The following AVL9 variants were observed in gnomAD, a reference collection of about 807,000 sequenced individuals.
The protein encoded by AVL9 is late secretory pathway protein AVL9 homolog.
Under a neutral mutation model 79.2 loss-of-function variants are expected in AVL9, and 49 were observed. The ratio of observed to expected loss-of-function variants is 0.62; its 90% CI spans 0.49 to 0.79. The LOEUF (loss-of-function observed/expected upper bound fraction) is 0.79. Among genes scored for constraint, AVL9 ranks in the 30% least tolerant of loss-of-function variants. The pLI is 0.00. For synonymous variants in AVL9, 299 were observed against 280.6 expected, an observed-to-expected ratio of 1.07 and a Z score of -0.65; for missense variants, 682 against 776.8, an observed-to-expected ratio of 0.88 and a Z score of 1.45.
At chr7:32,571,012 C>G (rs1427493845) in intron 11 of AVL9, among the ~76,000 whole-genome samples, 3 of 144,494 alleles carry the variant, frequency 2.1e-5, no homozygotes, top group African/African-American at 7.7e-5. Flanking sequence ...GGTAGATCAC[C>G]TGAGGTCAGG....
intron 1 of AVL9, among the ~76,000 whole-genome samples, chr7:32,501,380 AC>A (rs759699129): frequency 2.0e-5 from 3 of 152,200 alleles, no homozygotes; most frequent in Middle Eastern, 3.2e-3. Context: ...GGGAAGAATA[AC>A]CTTTTAAGAT....
At position 32,587,303 on chromosome 7, in the gene AVL9, G is replaced by A. The variant is rs151163947; in HGVS notation, c.*3396G>A. On this transcript the variant is annotated 3_prime_UTR_variant, in exon 16 of 16. Transcript: ENST00000318709. The stretch of plus-strand genomic sequence containing the variant: ...AGGGTTATAAGAATTCTTTTAGAAA[G>A]GGATTAGAATTTTACTCTGCTAGTT... 1.3e-5 allele frequency: 2 copies of A among 152,324 alleles called. No homozygotes were observed. The highest frequency in any genetic ancestry group is 4.8e-5 in the African/African-American group (2 of 41,588). 9.4% of individuals were successfully genotyped at this position (152,324 alleles called of 1,614,324 possible).
intron 13 of AVL9, among the ~76,000 whole-genome samples, chr7:32,579,109 C>A (rs955111265): frequency 6.6e-6 from 1 of 150,402 alleles, no homozygotes; most frequent in Non-Finnish European, 1.5e-5. Context: ...ATTTGAAGAA[C>A]CATTAATTTT....
At position 32,588,050 on chromosome 7, in the gene AVL9, A is replaced by G. The variant is rs948524545; in HGVS notation, c.*4143A>G. On this transcript the variant is annotated 3_prime_UTR_variant, in exon 16 of 16. Transcript: ENST00000318709. ...CATTTGTATTTCTGTGCTGTTCTAAAGTTTACCTTTTTACTTATATGAAAG... is the reference window on the plus strand; with the variant it reads ...CATTTGTATTTCTGTGCTGTTCTAAGGTTTACCTTTTTACTTATATGAAAG... 6.6e-6 allele frequency: 1 copy of G among 152,176 alleles called. No homozygotes were observed. The highest frequency in any genetic ancestry group is 6.5e-5 in the Admixed American group (1 of 15,268). 9.4% of individuals were successfully genotyped at this position (152,176 alleles called of 1,614,324 possible). A position where few individuals can be genotyped will look rare whatever the true frequency, so the allele number is the denominator to read the frequency against.
chr7:32,542,914 A>C (rs536614457), intron 1 of AVL9, among the ~76,000 whole-genome samples: 67 of 152,176 alleles, frequency 4.4e-4, no homozygotes, highest in Non-Finnish European at 3.1e-4. Context: ...TTAAAGTTTA[A>C]CCGACCTTAA....
At chr7:32,563,981 C>T (rs767059142) in intron 10 of AVL9, among the ~76,000 whole-genome samples, 2 of 152,124 alleles carry the variant, frequency 1.3e-5, no homozygotes, top group African/African-American at 2.4e-5. Context: ...CCACAAATTG[C>T]GGGCTTTCTG....
At chr7:32,521,005 C>T (rs563691891) in intron 1 of AVL9, among the ~76,000 whole-genome samples, 6 of 152,180 alleles carry the variant, frequency 3.9e-5, no homozygotes, top group African/African-American at 1.4e-4. Flanking sequence ...TTTGCTCCTT[C>T]CTTATTTTCT....
At chr7:32,515,269 A>G (rs1787858584) in intron 1 of AVL9, among the ~76,000 whole-genome samples, 1 of 152,192 alleles carries the variant, frequency 6.6e-6, no homozygotes, top group African/African-American at 2.4e-5. Context: ...TGGTTTACAA[A>G]TTGGCAACCG....
rs745564177 is a variant in AVL9 at position 32,495,881 on chromosome 7, GC to G, written c.93+80del. 1,493 of 955,054 alleles carry G rather than the reference GC, an allele frequency of 1.6e-3. 1 individual carries two copies. The highest frequency in any genetic ancestry group is 1.9e-3 in the Non-Finnish European group (1,395 of 720,586). The allele number at this position is 955,054 out of a possible 1,614,324, so 59.2% of individuals were successfully genotyped here. On this transcript the variant is annotated intron_variant, in intron 1 of 15. Coordinates refer to ENST00000318709, the MANE Select transcript of AVL9 (RefSeq NM_015060.3). ...GGGCCCCCCTGCCCTGCTTCTGTGT[GC>G]TCAGCTCGCGTCGTGCAGTCCTCCC...
chr7:32,511,624 G>A (rs913880405), intron 1 of AVL9, among the ~76,000 whole-genome samples: 4 of 152,014 alleles, frequency 2.6e-5, no homozygotes, highest in African/African-American at 7.2e-5. Context: ...GCATACGGAC[G>A]CTCTGGAATT....
At chr7:32,537,970 T>C (rs1788992269) in intron 1 of AVL9, 1 of 152,160 alleles carries the variant, frequency 6.6e-6, no homozygotes, top group Admixed American at 6.6e-5. Flanking sequence ...AAAGAAACAA[T>C]GTTGTAAATA....
chr7:32,520,621 A>G (rs115951018), intron 1 of AVL9, among the ~76,000 whole-genome samples: 2,397 of 152,292 alleles, frequency 0.016, 72 homozygotes, highest in African/African-American at 0.055. Flanking sequence ...TATGCAAGCC[A>G]TGTAGGACTA....
At chr7:32,547,551 C>T (rs1045913112) in intron 3 of AVL9, among the ~76,000 whole-genome samples, 1 of 152,144 alleles carries the variant, frequency 6.6e-6, no homozygotes, top group Non-Finnish European at 1.5e-5. Context: ...TTTAACAGCC[C>T]TCGTGCTCTG....
At position 32,573,326 on chromosome 7, in the gene AVL9, T is replaced by C; in HGVS notation, c.1478T>C (p.Leu493Pro). Reference sequence around the variant, plus strand: ...ACTGAGAATCGGGATGACGTCTTCCTAGATGGCACGGGCTGGGAGGGAGGT... The same window carrying C: ...ACTGAGAATCGGGATGACGTCTTCCCAGATGGCACGGGCTGGGAGGGAGGT... ...HVTENRDDVF[L>P]DGTGWEGGDE... The change falls in exon 12 of 16, where the codon CTA (leucine) becomes CCA (proline). Residue 493 changes from leucine to proline, a missense_variant. By Grantham distance (98) the Leu-to-Pro change is moderately conservative. Coordinates refer to ENST00000318709, the MANE Select transcript of AVL9 (RefSeq NM_015060.3). The C allele has an allele frequency of 6.2e-7, 1 of 1,613,832 alleles. No individual in the cohort carries two copies. Among genetic ancestry groups the C allele is most frequent in the Non-Finnish European group, 8.5e-7 (1 of 1,179,976 alleles).
intron 10 of AVL9, among the ~76,000 whole-genome samples, chr7:32,567,670 A>T (rs995238947): frequency 2.0e-5 from 3 of 151,788 alleles, no homozygotes; most frequent in Admixed American, 1.3e-4. Context: ...GAATGTGCCC[A>T]TTTTTGCCCT....
At chr7:32,548,151 C>CTTTTGTTTTCTTTTTGTTTTTTTTTTTT (rs71559236) in intron 3 of AVL9, among the ~76,000 whole-genome samples, 1 of 131,596 alleles carries the variant, frequency 7.6e-6, no homozygotes. Context: ...TCTCTTTTTT[C>CTTTTGTTTTCTTTTTGTTTTTTTTTTTT]TTTTTTTTTT....
Position 32,573,538 on chromosome 7 carries a change from T to C in AVL9, c.1570+120T>C, listed in dbSNP as rs928333964. 5.7e-6 allele frequency: 5 copies of C among 884,758 alleles called. No homozygotes were observed. The African/African-American group carries it at 8.4e-5, about 15-fold the overall frequency. 54.8% of individuals were successfully genotyped at this position (884,758 alleles called of 1,614,324 possible). A position where few individuals can be genotyped will look rare whatever the true frequency, so the allele number is the denominator to read the frequency against. ...TTCCTTATAGAAAAATTACCAGTTA[T>C]TCCCTCATACAAAGATAGCCACTTT... On this transcript the variant is annotated intron_variant, in intron 12 of 15. Coordinates refer to ENST00000318709, the MANE Select transcript of AVL9 (RefSeq NM_015060.3).
chr7:32,541,622 A>T (rs1789211748), intron 1 of AVL9, among the ~76,000 whole-genome samples: 1 of 152,218 alleles, frequency 6.6e-6, no homozygotes, highest in South Asian at 2.1e-4. Flanking sequence ...AAAATTGTCC[A>T]ACAAAGCAAA....
intron 15 of AVL9, 113 bp downstream of exon 15, chr7:32,581,003 T>C (rs1484592511): frequency 2.4e-6 from 2 of 850,166 alleles, no homozygotes; most frequent in Non-Finnish European, 3.7e-6. Flanking sequence ...TGTTATCACA[T>C]AGTAATACAA....
Sources: allele counts gnomAD v4.1 joint callset (sites outside exome capture counted in the v4.1 genomes callset), GRCh38; gene constraint gnomAD v4.1.1; transcripts MANE v1.5; gene names NCBI Gene and HGNC (gene_info 2026-07-23, HGNC 2026-07-21).